Variants in ZNF532 observed in about 807,000 individuals in gnomAD.
ZNF532 encodes the protein zinc finger protein 532.
A neutral mutation model predicts 89.3 loss-of-function variants in ZNF532; 22 were observed. The observed-to-expected ratio is 0.25, with a 90% CI of 0.18 to 0.35. The LOEUF is 0.35. Ranked by LOEUF, ZNF532 falls within the 10% of genes least tolerant of loss-of-function variation. The pLI is 1.00. For missense variants in ZNF532, 1,132 were observed against 1,643.4 expected, an observed-to-expected ratio of 0.69 and a Z score of 5.38; for synonymous variants, 606 against 649.6, an observed-to-expected ratio of 0.93 and a Z score of 1.02.
At chr18:58,929,491 T>C (rs910651816) in intron 3 of ZNF532, among the ~76,000 whole-genome samples, 8 of 152,232 alleles carry the variant, frequency 5.3e-5, no homozygotes, top group African/African-American at 1.9e-4. Context: ...CCTTATTAGC[T>C]GAAGACTTGT....
At chr18:58,962,741 A>G (rs1378164662) in intron 7 of ZNF532, among the ~76,000 whole-genome samples, 1 of 152,000 alleles carries the variant, frequency 6.6e-6, no homozygotes, top group Non-Finnish European at 1.5e-5. Flanking sequence ...AGCTGGGACT[A>G]CAGGCGCCCA....
At position 58,918,711 on chromosome 18, in the gene ZNF532, G is replaced by A. The variant is rs1257594095; in HGVS notation, c.424G>A (p.Glu142Lys). ...ISSAEEFDDD[E>K]KIEVDDPPDK... ...CAGTGCTGAAGAGTTTGATGACGACGAGAAGATTGAGGTGGATGACCCCCC... is the reference window on the plus strand; with the variant it reads ...CAGTGCTGAAGAGTTTGATGACGACAAGAAGATTGAGGTGGATGACCCCCC... Residue 142 changes from glutamate to lysine, a missense_variant, in exon 3 of 10, where the codon GAG becomes AAG. Physicochemically the swap from Glu to Lys is moderately conservative, Grantham distance 56. This residue lies in a region of ZNF532 where 302 missense variants were observed against 319.8 expected (regional missense o/e 0.94). Coordinates refer to ENST00000591808, the MANE Select transcript of ZNF532 (RefSeq NM_001375912.1). 5 of 1,614,140 alleles carry A rather than the reference G, an allele frequency of 3.1e-6. No individual in the cohort carries two copies. The highest frequency in any genetic ancestry group is 1.7e-6 in the Non-Finnish European group (2 of 1,180,020).
At chr18:58,928,803 T>G (rs1366113684) in intron 3 of ZNF532, among the ~76,000 whole-genome samples, 1 of 152,246 alleles carries the variant, frequency 6.6e-6, no homozygotes, top group East Asian at 1.9e-4. Flanking sequence ...TGGGTTACGT[T>G]GAGAAAAGGG....
upstream of ZNF532, chr18:58,864,198 T>C (rs896571058): frequency 6.6e-6 from 1 of 151,884 alleles, no homozygotes; most frequent in African/African-American, 2.4e-5. Flanking sequence ...GGTGAAGGGA[T>C]TTGGACTTCT....
intron 2 of ZNF532, among the ~76,000 whole-genome samples, chr18:58,876,514 T>G (rs2057444587): frequency 6.6e-6 from 1 of 151,940 alleles, no homozygotes. Context: ...GCCAGGACTG[T>G]TTTTTTTGAT....
intron 9 of ZNF532, among the ~76,000 whole-genome samples, chr18:58,982,277 C>G (rs532773545): frequency 6.6e-6 from 1 of 152,130 alleles, no homozygotes; most frequent in African/African-American, 2.4e-5. Context: ...GCACCCAAAC[C>G]TGGGGGACAA....
At chr18:58,979,899 A>G (rs1340311806) in intron 8 of ZNF532, 1 of 152,334 alleles carries the variant, frequency 6.6e-6, no homozygotes, top group Non-Finnish European at 1.5e-5. Context: ...GTGGGCCAAC[A>G]TCAACCCAGA....
intron 7 of ZNF532, among the ~76,000 whole-genome samples, chr18:58,975,951 T>C (rs934898686): frequency 6.6e-6 from 1 of 152,224 alleles, no homozygotes; most frequent in African/African-American, 2.4e-5. Flanking sequence ...CTTAGAATGA[T>C]GACGGTGGGC....
rs1051871217 is a variant in ZNF532 at position 58,901,111 on chromosome 18, G to A, written c.-17-17160G>A. 3.9e-5 allele frequency among the ~76,000 whole-genome samples: 6 copies of A among 152,268 alleles called. No homozygotes were observed. In the East Asian group the frequency reaches 5.8e-4, roughly 15 times the overall value. On this transcript the variant is annotated intron_variant, in intron 2 of 9. Transcript: ENST00000591808. Reference sequence around the variant, plus strand: ...ACCTTCATAGTATTGACCCATGGCCGAGATGGGACCTTTCCTCTGGGTCTC... The same window carrying A: ...ACCTTCATAGTATTGACCCATGGCCAAGATGGGACCTTTCCTCTGGGTCTC...
intron 2 of ZNF532, among the ~76,000 whole-genome samples, chr18:58,899,620 C>T (rs957308580): frequency 1.3e-5 from 2 of 152,124 alleles, no homozygotes; most frequent in Admixed American, 6.5e-5. Flanking sequence ...AGGTGCGAGC[C>T]ACCACGCCCA....
intron 2 of ZNF532, among the ~76,000 whole-genome samples, chr18:58,894,875 C>T (rs374460111): frequency 6.6e-6 from 1 of 152,262 alleles, no homozygotes; most frequent in South Asian, 2.1e-4. Context: ...GGCCTGTAGT[C>T]CCAGCACATG....
Position 58,919,529 on chromosome 18 carries a change from C to T in ZNF532, c.1242C>T (p.Ala414=), listed in dbSNP as rs572042980. ...TTCTGTCGTCTCCAGCATCAGCCGC[C>T]GTCCTTTCCTCTCCCCCCAGGGCGC... is the stretch of plus-strand genomic sequence containing the variant. ...TSLLSSPASA[A]VLSSPPRAPL... is the part of the protein sequence containing the mutation. Residue 414 remains alanine, a synonymous_variant, in exon 3 of 10, where the codon GCC becomes GCT. Transcript: ENST00000591808. The surrounding 1 kb of genome is among the most constrained non-coding windows in gnomAD (Gnocchi z 6.1). The T allele has an allele frequency of 1.7e-5, 28 of 1,614,168 alleles. No individual in the cohort carries two copies. The highest frequency in any genetic ancestry group is 2.1e-5 in the Non-Finnish European group (25 of 1,180,032).
At chr18:58,973,796 A>G (rs2066732210) in intron 7 of ZNF532, among the ~76,000 whole-genome samples, 1 of 152,224 alleles carries the variant, frequency 6.6e-6, no homozygotes, top group South Asian at 2.1e-4. Context: ...CTGGAACACT[A>G]GTCAGCAGAG....
intron 5 of ZNF532, among the ~76,000 whole-genome samples, chr18:58,943,221 G>A (rs1490341765): frequency 2.7e-5 from 4 of 147,056 alleles, no homozygotes; most frequent in Admixed American, 6.9e-5. Flanking sequence ...GTGCAGTGGC[G>A]CGATCTCTGC....
At chr18:58,879,424 G>T (rs1447971622) in intron 2 of ZNF532, among the ~76,000 whole-genome samples, 1 of 152,188 alleles carries the variant, frequency 6.6e-6, no homozygotes, top group African/African-American at 2.4e-5. Flanking sequence ...TTGAGAGGGA[G>T]TCTCGCTCTG....
At chr18:58,949,224 T>G (rs796939403) in intron 6 of ZNF532, among the ~76,000 whole-genome samples, 5 of 152,326 alleles carry the variant, frequency 3.3e-5, no homozygotes, top group African/African-American at 1.2e-4. Context: ...AGGCCAGTGC[T>G]TAGTTCTAGC....
chr18:58,880,762 A>C (rs200205999), intron 2 of ZNF532, among the ~76,000 whole-genome samples: 3 of 93,506 alleles, frequency 3.2e-5, no homozygotes, highest in East Asian at 2.2e-4. Context: ...GCGCGCGCGC[A>C]CGCGCGCGCG....
chr18:58,971,034 C>A (rs542370078), intron 7 of ZNF532, among the ~76,000 whole-genome samples: 2 of 152,336 alleles, frequency 1.3e-5, no homozygotes, highest in African/African-American at 4.8e-5. Context: ...ATTTGGCCTT[C>A]TGTTCTTGTG....
At position 58,942,720 on chromosome 18, in the gene ZNF532, C is replaced by T. The variant is rs371028034; in HGVS notation, c.2705+3099C>T. Reference sequence around the variant, plus strand: ...CTGTGGCTGTTTGGCCTACATTTGACCCAAAGGTTTCTTTTGGCATTAAAT... The same window carrying T: ...CTGTGGCTGTTTGGCCTACATTTGATCCAAAGGTTTCTTTTGGCATTAAAT... On this transcript the variant is annotated intron_variant, in intron 5 of 9. Coordinates refer to ENST00000591808, the MANE Select transcript of ZNF532 (RefSeq NM_001375912.1). 7.9e-5 allele frequency among the ~76,000 whole-genome samples: 12 copies of T among 152,208 alleles called. No homozygotes were observed. The South Asian group carries it at 2.5e-3, about 32-fold the overall frequency.
Sources: allele counts gnomAD v4.1 joint callset (sites outside exome capture counted in the v4.1 genomes callset), GRCh38; gene constraint gnomAD v4.1.1; regional missense constraint gnomAD v4.1.1; non-coding constraint Gnocchi (gnomAD v3.1); transcripts MANE v1.5; gene names NCBI Gene and HGNC (gene_info 2026-07-23, HGNC 2026-07-21).